Variants in OR52N4 observed in about 807,000 individuals in gnomAD.
OR52N4 encodes the protein olfactory receptor 52N4.
Under a neutral mutation model 15.0 loss-of-function variants are expected in OR52N4, and 15 were observed. That is an observed-to-expected ratio of 1.00 (90% CI 0.67 to 1.54). The LOEUF is 1.54. Ranked by LOEUF, OR52N4 falls within the 40% of genes most tolerant of loss-of-function variation. The probability of loss-of-function intolerance (pLI) is 0.00; values close to 1 mark genes in which losing one functional copy is unlikely to be tolerated. For missense variants in OR52N4, 421 were observed against 394.0 expected, an observed-to-expected ratio of 1.07 and a Z score of -0.58; for synonymous variants, 143 against 143.7, an observed-to-expected ratio of 1.00 and a Z score of 0.03.
At chr11:5,746,177 T>C in the OR52N4 span, among the ~76,000 whole-genome samples, 2 of 152,128 alleles carry the variant, frequency 1.3e-5, no homozygotes, top group African/African-American at 4.8e-5. Flanking sequence ...GACTTAATCA[T>C]AAGATCTAAA....
At chr11:5,744,669 C>T in the OR52N4 span, among the ~76,000 whole-genome samples, 120,204 of 152,084 alleles carry the variant, frequency 0.79, 48,125 homozygotes, top group Non-Finnish European at 0.86. Context: ...TCCCAGCACT[C>T]TGGGAGGCTG....
In OR52N4 at chr11:5,755,041, G is replaced by C. The variant is rs1480126746; in HGVS notation, c.301G>C (p.Val101Leu). 1.9e-6 allele frequency: 3 copies of C among 1,613,942 alleles called. No homozygotes were observed. Among genetic ancestry groups the C allele is most frequent in the African/African-American group, 1.3e-5 (1 of 75,002 alleles). Residue 101 changes from valine to leucine, a missense_variant, in exon 2 of 2, where the codon GTC becomes CTC. By Grantham distance (32) the Val-to-Leu change is conservative. Transcript: ENST00000641350. The part of the protein sequence containing the change: ...LKDIGFDECL[V>L]QMFFTHTFTG... ...GGACATTGGATTTGATGAATGCCTT[G>C]TCCAGATGTTCTTCACCCACACCTT...
upstream of OR52N4, among the ~76,000 whole-genome samples, chr11:5,751,871 G>A (rs1020785495): frequency 6.6e-6 from 1 of 152,084 alleles, no homozygotes; most frequent in Admixed American, 6.6e-5. Context: ...CCCTAGTCAA[G>A]GCTATTGGTA....
In OR52N4 at chr11:5,755,714, C is replaced by T. The variant is rs1210119998; in HGVS notation, c.*8C>T. On this transcript the variant is annotated 3_prime_UTR_variant, in exon 2 of 2. Transcript: ENST00000641350. ...AAATCCTACAGCATGTGAATGAACACTTGCCAGGAGTGAGAAGAGAAGGAA... is the reference window on the plus strand; with the variant it reads ...AAATCCTACAGCATGTGAATGAACATTTGCCAGGAGTGAGAAGAGAAGGAA... The T allele has an allele frequency of 6.2e-7, 1 of 1,609,640 alleles. No homozygotes were observed. The highest frequency in any genetic ancestry group is 8.5e-7 in the Non-Finnish European group (1 of 1,177,588).
the OR52N4 span, among the ~76,000 whole-genome samples, chr11:5,735,311 G>A: frequency 5.9e-5 from 9 of 151,874 alleles, no homozygotes; most frequent in African/African-American, 1.5e-4. Flanking sequence ...TATTCACTTC[G>A]GTTTGAGTCA....
chr11:5,731,646 C>A, the OR52N4 span, among the ~76,000 whole-genome samples: 1 of 152,036 alleles, frequency 6.6e-6, no homozygotes, highest in African/African-American at 2.4e-5. Flanking sequence ...AACATTTAAC[C>A]ACATTTTCTA....
the OR52N4 span, chr11:5,737,550 C>A: frequency 2.4e-5 from 36 of 1,485,728 alleles, no homozygotes; most frequent in Non-Finnish European, 3.3e-5. Flanking sequence ...AGTAAAATTT[C>A]AAAGAGGATA....
the OR52N4 span, among the ~76,000 whole-genome samples, chr11:5,748,787 A>G: frequency 1.3e-5 from 2 of 152,012 alleles, no homozygotes; most frequent in Admixed American, 6.6e-5. Flanking sequence ...GAAGAAGAAA[A>G]CATTAATCTG....
At chr11:5,743,447 T>C in the OR52N4 span, among the ~76,000 whole-genome samples, 2 of 152,194 alleles carry the variant, frequency 1.3e-5, no homozygotes, top group African/African-American at 4.8e-5. Flanking sequence ...TTCTGTATAT[T>C]TCTGTTGGCA....
rs895899386 is a variant in OR52N4, at chr11:5,754,297, A to T, written c.-57A>T. The T allele has an allele frequency of 1.3e-5, 2 of 154,494 alleles. No homozygotes were observed. Among genetic ancestry groups the T allele is most frequent in the African/African-American group, 4.8e-5 (2 of 41,492 alleles). The allele number at this position is 154,494 out of a possible 1,614,324, so 9.6% of individuals were successfully genotyped here. ...AAGTCAACATCTCATCTCTCAGATC[A>T]TCAGTGAGGTAATCAAATGACTCTT... is the stretch of plus-strand genomic sequence containing the variant. On this transcript the variant is annotated 5_prime_UTR_variant, in exon 1 of 2. Coordinates refer to ENST00000641350, the MANE Select transcript of OR52N4 (RefSeq NM_001005175.5).
In OR52N4 at chr11:5,755,610, G is replaced by A. The variant is rs1854299902; in HGVS notation, c.870G>A (p.Met290Ile). 2 of 1,613,768 alleles carry A rather than the reference G, an allele frequency of 1.2e-6. No individual in the cohort carries two copies. The highest frequency in any genetic ancestry group is 1.7e-6 in the Non-Finnish European group (2 of 1,179,784). The change falls in exon 2 of 2, where the codon ATG becomes ATA. Residue 290 changes from methionine (M) to isoleucine (I), a missense_variant. Met to Ile is a conservative substitution (Grantham distance 10). Coordinates refer to ENST00000641350, the MANE Select transcript of OR52N4 (RefSeq NM_001005175.5). The part of the protein sequence containing the change: ...ANIYLLLPPT[M>I]NPIVYGVKTK... ...TTTATCTGCTCCTACCACCCACTATGAACCCTATTGTCTATGGGGTGAAAA... is the reference window on the plus strand; with the variant it reads ...TTTATCTGCTCCTACCACCCACTATAAACCCTATTGTCTATGGGGTGAAAA...
the OR52N4 span, among the ~76,000 whole-genome samples, chr11:5,741,192 G>A: frequency 6.6e-6 from 1 of 152,210 alleles, no homozygotes. Context: ...TTAAGTTCCA[G>A]TATGATTACA....
chr11:5,752,751 G>A (rs7394716), upstream of OR52N4, among the ~76,000 whole-genome samples: 143,056 of 152,250 alleles, frequency 0.94, 67,300 homozygotes, highest in Middle Eastern at 0.98. Flanking sequence ...ATCAAGTAAG[G>A]GAATATGACC....
At chr11:5,732,574 A>G in the OR52N4 span, among the ~76,000 whole-genome samples, 3 of 152,092 alleles carry the variant, frequency 2.0e-5, no homozygotes, top group Non-Finnish European at 2.9e-5. Flanking sequence ...TTTCCTATAT[A>G]GGTTATTTTC....
chr11:5,739,454 C>T, the OR52N4 span, among the ~76,000 whole-genome samples: 5 of 118,330 alleles, frequency 4.2e-5, 1 homozygote, highest in African/African-American at 1.5e-4. Flanking sequence ...CCCAGATACT[C>T]GGGAGGCTGA....
At chr11:5,744,171 A>G in the OR52N4 span, among the ~76,000 whole-genome samples, 3 of 152,216 alleles carry the variant, frequency 2.0e-5, no homozygotes, top group South Asian at 6.2e-4. Flanking sequence ...GATTCAATCA[A>G]GAAAAAGTAG....
the OR52N4 span, chr11:5,727,573 C>T: frequency 1.3e-5 from 2 of 152,132 alleles, no homozygotes; most frequent in Non-Finnish European, 2.9e-5. Flanking sequence ...ATGTCTTCTG[C>T]AGAACTTTCT....
upstream of OR52N4, among the ~76,000 whole-genome samples, chr11:5,749,963 C>T (rs1283681878): frequency 6.6e-6 from 1 of 151,872 alleles, no homozygotes; most frequent in Non-Finnish European, 1.5e-5. Flanking sequence ...TACGTTTGTA[C>T]TTATTAATAA....
chr11:5,735,165 C>T, the OR52N4 span, among the ~76,000 whole-genome samples: 3 of 151,916 alleles, frequency 2.0e-5, no homozygotes, highest in African/African-American at 7.2e-5. Flanking sequence ...GTTTCTTGCT[C>T]ATAAACCTGC....
Sources: allele counts gnomAD v4.1 joint callset (sites outside exome capture counted in the v4.1 genomes callset), GRCh38; gene constraint gnomAD v4.1.1; transcripts MANE v1.5; gene names NCBI Gene and HGNC (gene_info 2026-07-23, HGNC 2026-07-21).